FSTL4: variants seen among roughly 807,000 people sequenced by gnomAD.
The protein encoded by FSTL4 is follistatin-related protein 4.
A neutral mutation model predicts 78.2 loss-of-function variants in FSTL4; 28 were observed. The ratio of observed to expected loss-of-function variants is 0.36; its 90% CI spans 0.27 to 0.49. The LOEUF (loss-of-function observed/expected upper bound fraction) is 0.49. Among genes scored for constraint, FSTL4 ranks in the 20% least tolerant of loss-of-function variants. The pLI is 0.98. For synonymous variants in FSTL4, 422 were observed against 440.5 expected (o/e 0.96, Z 0.53); for missense variants, 922 against 1,084.9 (o/e 0.85, Z 2.11).
chr5:133,296,280 G>A (rs1159431005), intron 6 of FSTL4, among the ~76,000 whole-genome samples: 1 of 152,104 alleles, frequency 6.6e-6, no homozygotes, highest in Admixed American at 6.5e-5. Context: ...CACCACCATC[G>A]TGCCCATTAG....
At chr5:133,762,906 C>T in the FSTL4 span, among the ~76,000 whole-genome samples, 1 of 152,182 alleles carries the variant, frequency 6.6e-6, no homozygotes. Context: ...GCTGCTGGAC[C>T]TGGGGAGGGT....
chr5:133,814,437 C>T, the FSTL4 span, among the ~76,000 whole-genome samples: 1 of 152,126 alleles, frequency 6.6e-6, no homozygotes, highest in Non-Finnish European at 1.5e-5. Flanking sequence ...CACACCAGTG[C>T]CCCTGACACA....
At chr5:133,312,438 T>C in intron 6 of FSTL4, 1 of 570,842 alleles carries the variant, frequency 1.8e-6, no homozygotes, top group South Asian at 2.2e-5. Flanking sequence ...AAAATCTTTA[T>C]TAAAAAGGAA....
At chr5:133,349,517 T>A (rs1413915010) in intron 4 of FSTL4, among the ~76,000 whole-genome samples, 2 of 151,954 alleles carry the variant, frequency 1.3e-5, no homozygotes, top group Non-Finnish European at 2.9e-5. Context: ...TAGGATGGAC[T>A]TTATGTTTGT....
At chr5:133,224,391 T>C in intron 10 of FSTL4, 175 bp from the exon 11 acceptor site, 1 of 525,154 alleles carries the variant, frequency 1.9e-6, no homozygotes, top group Non-Finnish European at 3.4e-6. Flanking sequence ...GGGGAAGCTC[T>C]GGACATGAAC....
chr5:133,496,363 GCTCTCT>G (rs143509980), intron 3 of FSTL4, among the ~76,000 whole-genome samples: 1 of 151,952 alleles, frequency 6.6e-6, no homozygotes, highest in Non-Finnish European at 1.5e-5. Flanking sequence ...CTGACACTCA[GCTCTCT>G]CTCTCTCATG....
In FSTL4 at chr5:133,478,118, G is replaced by T. The variant is rs1204848712; in HGVS notation, c.161-77132C>A. Among the ~76,000 whole-genome samples, 4 of 152,192 alleles carry T rather than the reference G, an allele frequency of 2.6e-5. No homozygotes were observed. In the South Asian group the frequency reaches 8.3e-4, roughly 32 times the overall value. On this transcript the variant is annotated intron_variant, in intron 3 of 15. Transcript: ENST00000265342. ...CTACTGAAGGTCCCCATTGAACCAA[G>T]AACCACTTTTGATGTTCTTCCAAGA... is the stretch of plus-strand genomic sequence containing the variant.
chr5:133,461,406 C>T (rs1757588760), intron 3 of FSTL4, among the ~76,000 whole-genome samples: 1 of 152,180 alleles, frequency 6.6e-6, no homozygotes, highest in Non-Finnish European at 1.5e-5. Context: ...AGGTAGTTTA[C>T]TGGAGCTTTA....
chr5:133,367,729 A>T (rs1203199536), intron 4 of FSTL4, among the ~76,000 whole-genome samples: 1 of 152,230 alleles, frequency 6.6e-6, no homozygotes, highest in African/African-American at 2.4e-5. Flanking sequence ...TTTCTGCAGT[A>T]GGCCACATCA....
the FSTL4 span, among the ~76,000 whole-genome samples, chr5:133,800,909 T>G: frequency 6.7e-6 from 1 of 148,722 alleles, no homozygotes; most frequent in African/African-American, 2.5e-5. Flanking sequence ...GACTGCCTGG[T>G]GGTGGCAGGA....
chr5:133,722,313 C>G, the FSTL4 span, among the ~76,000 whole-genome samples: 4 of 152,284 alleles, frequency 2.6e-5, no homozygotes, highest in South Asian at 8.3e-4. Context: ...GCCATTCCCC[C>G]ACCACCCAGT....
At chr5:133,546,623 G>A (rs1468543579) in intron 3 of FSTL4, among the ~76,000 whole-genome samples, 1 of 151,488 alleles carries the variant, frequency 6.6e-6, no homozygotes, top group African/African-American at 2.4e-5. Context: ...GGATAAGCAA[G>A]ACAATAGAAG....
chr5:133,507,415 C>T (rs999589630), intron 3 of FSTL4, among the ~76,000 whole-genome samples: 1 of 152,144 alleles, frequency 6.6e-6, no homozygotes, highest in Non-Finnish European at 1.5e-5. Context: ...AAACTACCTT[C>T]GCCATTTCCA....
intron 3 of FSTL4, among the ~76,000 whole-genome samples, chr5:133,403,822 GGGGCT>G (rs1472174533): frequency 1.3e-5 from 2 of 152,208 alleles, no homozygotes; most frequent in Non-Finnish European, 2.9e-5. Flanking sequence ...CAGTTCATGG[GGGGCT>G]GGGGGGAGAA....
At chr5:133,711,865 G>A in the FSTL4 span, among the ~76,000 whole-genome samples, 1 of 152,152 alleles carries the variant, frequency 6.6e-6, no homozygotes. Flanking sequence ...ATGGTGGAAG[G>A]ACAGGAGTGC....
chr5:133,743,398 C>G, the FSTL4 span, among the ~76,000 whole-genome samples: 1 of 152,162 alleles, frequency 6.6e-6, no homozygotes, highest in African/African-American at 2.4e-5. Flanking sequence ...GGTACGGTAC[C>G]TTTAAATGCA....
At chr5:133,729,967 C>T in the FSTL4 span, among the ~76,000 whole-genome samples, 43 of 152,286 alleles carry the variant, frequency 2.8e-4, no homozygotes, top group Non-Finnish European at 5.0e-4. Context: ...ACCAAACAAC[C>T]TTCAGACAAT....
chr5:133,797,283 G>A, the FSTL4 span, among the ~76,000 whole-genome samples: 1 of 152,216 alleles, frequency 6.6e-6, no homozygotes, highest in Non-Finnish European at 1.5e-5. Flanking sequence ...AAGTTTAGGT[G>A]GATTCATGGA....
At chr5:133,377,324 T>C (rs1755458876) in intron 4 of FSTL4, among the ~76,000 whole-genome samples, 1 of 150,064 alleles carries the variant, frequency 6.7e-6, no homozygotes, top group Admixed American at 6.6e-5. Context: ...GAGTCTACCA[T>C]GACAACCAGG....
Sources: gnomAD v4.1 joint callset for allele counts (sites outside exome capture counted in the v4.1 genomes callset) on GRCh38, gnomAD v4.1.1 for gene constraint, MANE v1.5 for transcripts, NCBI Gene and HGNC (gene_info 2026-07-23, HGNC 2026-07-21) for gene names.